Variants in FAM13C observed in about 807,000 individuals in gnomAD.
FAM13C encodes the protein protein FAM13C.
Under a neutral mutation model 73.2 loss-of-function variants are expected in FAM13C, and 37 were observed. The observed-to-expected ratio is 0.51, with a 90% CI of 0.39 to 0.67. The LOEUF is 0.67. Among genes scored for constraint, FAM13C ranks in the 30% least tolerant of loss-of-function variants. The pLI is 0.00. For synonymous variants in FAM13C, 246 were observed against 260.9 expected, an observed-to-expected ratio of 0.94 and a Z score of 0.55; for missense variants, 589 against 715.6, an observed-to-expected ratio of 0.82 and a Z score of 2.02.
intron 3 of FAM13C, among the ~76,000 whole-genome samples, chr10:59,339,311 T>A (rs1048852264): frequency 2.0e-5 from 3 of 152,204 alleles, no homozygotes; most frequent in Admixed American, 6.5e-5. Flanking sequence ...CTACTCAACC[T>A]ACTTCTCCCT....
At chr10:59,333,019 G>A (rs1177236120) in intron 3 of FAM13C, among the ~76,000 whole-genome samples, 1 of 122,060 alleles carries the variant, frequency 8.2e-6, no homozygotes, top group South Asian at 2.6e-4. Flanking sequence ...TCATTTATTG[G>A]TAAGAGACAA....
At chr10:59,292,934 C>A (rs1846432373) in intron 5 of FAM13C, among the ~76,000 whole-genome samples, 1 of 152,068 alleles carries the variant, frequency 6.6e-6, no homozygotes, top group Non-Finnish European at 1.5e-5. Context: ...AATACTAGAA[C>A]TTATTCCTCT....
chr10:59,280,495 G>GA (rs1844806387), intron 6 of FAM13C, among the ~76,000 whole-genome samples: 2 of 152,206 alleles, frequency 1.3e-5, no homozygotes. Context: ...AGGTACAGCA[G>GA]AGTCAGACAG....
chr10:59,313,227 A>G (rs988627780), intron 4 of FAM13C, among the ~76,000 whole-genome samples: 1 of 152,266 alleles, frequency 6.6e-6, no homozygotes, highest in South Asian at 2.1e-4. Flanking sequence ...TATCCTTCCC[A>G]AAGCATATTT....
At chr10:59,304,951 T>C (rs1848090829) in intron 4 of FAM13C, among the ~76,000 whole-genome samples, 1 of 151,998 alleles carries the variant, frequency 6.6e-6, no homozygotes. Context: ...TCTCACCATG[T>C]GATCTCTGTT....
chr10:59,325,129 A>T (rs1452600309), intron 3 of FAM13C, among the ~76,000 whole-genome samples: 1 of 152,212 alleles, frequency 6.6e-6, no homozygotes, highest in Non-Finnish European at 1.5e-5. Flanking sequence ...CTACCATCAT[A>T]CAGGCAAATT....
At chr10:59,351,264 G>A (rs1422455042) in intron 3 of FAM13C, among the ~76,000 whole-genome samples, 2 of 149,912 alleles carry the variant, frequency 1.3e-5, no homozygotes, top group African/African-American at 4.9e-5. Flanking sequence ...ACCCGGCGGT[G>A]GAGGTTGTAG....
rs866488697 is a variant in FAM13C, at chr10:59,287,091, C to T, written c.508-3644G>A. Among the ~76,000 whole-genome samples, 11 of 145,914 alleles carry T rather than the reference C, an allele frequency of 7.5e-5. No individual in the cohort carries two copies. In the South Asian group the frequency reaches 2.0e-3, roughly 26 times the overall value. On this transcript the variant is annotated intron_variant, in intron 5 of 13. Coordinates refer to ENST00000618804, the MANE Select transcript of FAM13C (RefSeq NM_198215.4). ...GTGGCTCACGCCTGTAATCCCAGCA[C>T]TTTGGGAGGCAGAGGTGGGAGGATC...
At chr10:59,303,036 C>T (rs1433797768) in intron 4 of FAM13C, among the ~76,000 whole-genome samples, 172 bp from the exon 5 acceptor site, 2 of 152,134 alleles carry the variant, frequency 1.3e-5, no homozygotes. Flanking sequence ...CACATTATAG[C>T]ACTTGAACCC....
At chr10:59,346,916 C>T (rs1183113263) in intron 3 of FAM13C, among the ~76,000 whole-genome samples, 1 of 152,140 alleles carries the variant, frequency 6.6e-6, no homozygotes, top group Admixed American at 6.6e-5. Flanking sequence ...CTGGATTCCA[C>T]TTTGATCAGG....
intron 3 of FAM13C, among the ~76,000 whole-genome samples, chr10:59,341,088 T>C (rs1853443122): frequency 1.3e-5 from 2 of 152,100 alleles, no homozygotes; most frequent in Admixed American, 6.5e-5. Context: ...GATTTTCTCC[T>C]GGTGATTTTT....
intron 6 of FAM13C, among the ~76,000 whole-genome samples, chr10:59,274,261 G>A (rs1844067773): frequency 6.6e-6 from 1 of 152,166 alleles, no homozygotes; most frequent in Non-Finnish European, 1.5e-5. Context: ...TCACATTTGA[G>A]TTCCTGAGGC....
rs143175588 is a variant in FAM13C, at chr10:59,295,709, C to A, written c.507+7092G>T. ...CACTAAGCTCTTGGTAATTTATTACCCATTAATAGAAAACTAATATACACT... is the reference window on the plus strand; with the variant it reads ...CACTAAGCTCTTGGTAATTTATTACACATTAATAGAAAACTAATATACACT... On this transcript the variant is annotated intron_variant, in intron 5 of 13. Transcript: ENST00000618804. Among the ~76,000 whole-genome samples the A allele has an allele frequency of 2.2e-3, 339 of 152,110 alleles. 3 individuals carry two copies. Among genetic ancestry groups the A allele is most frequent in the African/African-American group, 7.2e-3 (299 of 41,496 alleles).
intron 4 of FAM13C, among the ~76,000 whole-genome samples, chr10:59,317,729 AG>A (rs1273549914): frequency 6.6e-6 from 1 of 152,024 alleles, no homozygotes; most frequent in Non-Finnish European, 1.5e-5. Context: ...TGATGTAAAT[AG>A]TGCTTCTTTT....
chr10:59,322,950 G>C (rs912714069), intron 4 of FAM13C, among the ~76,000 whole-genome samples: 4 of 152,138 alleles, frequency 2.6e-5, no homozygotes, highest in African/African-American at 9.7e-5. Context: ...GGTTATAAAA[G>C]GTGCCCATGA....
intron 4 of FAM13C, among the ~76,000 whole-genome samples, chr10:59,307,519 C>T (rs1848397946): frequency 1.3e-5 from 2 of 152,046 alleles, no homozygotes; most frequent in Admixed American, 6.6e-5. Context: ...TCTATTTCAC[C>T]TAATAGGAGA....
At chr10:59,264,960 C>T (rs1427791511) in intron 8 of FAM13C, among the ~76,000 whole-genome samples, 1 of 151,942 alleles carries the variant, frequency 6.6e-6, no homozygotes. Context: ...AACATAATAG[C>T]CTGAAATATG....
intron 6 of FAM13C, among the ~76,000 whole-genome samples, chr10:59,275,004 C>T (rs950570068): frequency 1.3e-5 from 2 of 152,138 alleles, no homozygotes; most frequent in African/African-American, 4.8e-5. Flanking sequence ...CTCTCCAGGT[C>T]TTCTAGTCGA....
chr10:59,259,280 CATA>C (rs1304309046), intron 10 of FAM13C, among the ~76,000 whole-genome samples: 1 of 152,156 alleles, frequency 6.6e-6, no homozygotes, highest in African/African-American at 2.4e-5. Context: ...CAGAAAGAGT[CATA>C]ATAAAGTCTC....
Sources: gnomAD v4.1 joint callset for allele counts (sites outside exome capture counted in the v4.1 genomes callset) on GRCh38, gnomAD v4.1.1 for gene constraint, MANE v1.5 for transcripts, NCBI Gene and HGNC (gene_info 2026-07-23, HGNC 2026-07-21) for gene names.